The following GBP4 variants were observed in gnomAD, a reference collection of about 807,000 sequenced individuals.
GBP4 encodes the protein guanylate binding protein 4, also known as guanylate-binding protein 4.
GBP4 carries 69 observed loss-of-function variants against 62.2 expected under a neutral mutation model. The ratio of observed to expected loss-of-function variants is 1.11; its 90% CI spans 0.91 to 1.36. The LOEUF is 1.36. Among genes scored for constraint, GBP4 ranks in the 40% most tolerant of loss-of-function variants. The probability of loss-of-function intolerance (pLI) is 0.00; values close to 1 mark genes in which losing one functional copy is unlikely to be tolerated. For synonymous variants in GBP4, 278 were observed against 274.6 expected (o/e 1.01, Z -0.12); for missense variants, 697 against 759.3 (o/e 0.92, Z 0.96).
intron 3 of GBP4, among the ~76,000 whole-genome samples, chr1:89,194,783 C>T (rs748688867): frequency 2.6e-5 from 4 of 152,180 alleles, no homozygotes; most frequent in Non-Finnish European, 4.4e-5. Flanking sequence ...TTTCTGAAAA[C>T]TACTGAAATA....
At position 89,188,715 on chromosome 1, in the gene GBP4, T is replaced by C. The variant is rs1648105380; in HGVS notation, c.1277A>G (p.Lys426Arg). 1.2e-6 allele frequency: 2 copies of C among 1,614,236 alleles called. No homozygotes were observed. The highest frequency in any genetic ancestry group is 1.7e-6 in the Non-Finnish European group (2 of 1,180,038). Residue 426 changes from lysine (K) to arginine (R), a missense_variant, in exon 8 of 11, where the codon AAG (lysine) becomes AGG (arginine). Lys to Arg is a conservative substitution (Grantham distance 26, BLOSUM62 2). This residue lies in a region of GBP4 where 556 missense variants were observed against 562.7 expected (regional missense o/e 0.99). Transcript: ENST00000355754. ...TTCTGTCAGGTGCTCTGAAAGCCGCTTAAGCTCAGCCTGGCAATATTTGGC... is the reference window on the plus strand; with the variant it reads ...TTCTGTCAGGTGCTCTGAAAGCCGCCTAAGCTCAGCCTGGCAATATTTGGC... ...ASAKYCQAELKRLSEHLTESI... is the reference protein window; with the variant it reads ...ASAKYCQAELRRLSEHLTESI...
At chr1:89,192,777 C>G in intron 5 of GBP4, 127 bp downstream of exon 5, 1 of 792,236 alleles carries the variant, frequency 1.3e-6, no homozygotes, top group Non-Finnish European at 1.9e-6. Flanking sequence ...CAATCACCAA[C>G]CACCATGAGC....
intron 8 of GBP4, among the ~76,000 whole-genome samples, chr1:89,188,111 A>C (rs905259197): frequency 6.6e-6 from 1 of 152,184 alleles, no homozygotes; most frequent in Non-Finnish European, 1.5e-5. Context: ...CCGAGAATCA[A>C]ACTGATAATC....
Position 89,198,777 on chromosome 1 carries a change from G to T in GBP4, c.40+18C>A. 2 of 1,607,596 alleles carry T rather than the reference G, an allele frequency of 1.2e-6. No individual in the cohort carries two copies. Among genetic ancestry groups the T allele is most frequent in the Non-Finnish European group, 8.5e-7 (1 of 1,174,058 alleles). On this transcript the variant is annotated intron_variant, in intron 1 of 10. Transcript: ENST00000355754. ...AACCCAAATATACTTGAAAGGTAAAGCTTAAGAGCAAACTTACCTGGTGTG... is the reference window on the plus strand; with the variant it reads ...AACCCAAATATACTTGAAAGGTAAATCTTAAGAGCAAACTTACCTGGTGTG...
chr1:89,185,173 T>C lies in GBP4; in HGVS notation c.*81A>G, dbSNP rs1434964194. 5 of 872,662 alleles carry C rather than the reference T, an allele frequency of 5.7e-6. No homozygotes were observed. Among genetic ancestry groups the C allele is most frequent in the Non-Finnish European group, 9.2e-6 (5 of 545,966 alleles). 54.1% of individuals were successfully genotyped at this position (872,662 alleles called of 1,614,324 possible). A position where few individuals can be genotyped will look rare whatever the true frequency, so the allele number is the denominator to read the frequency against. The stretch of plus-strand genomic sequence containing the variant: ...AATGAAACTGCTATAACACATATAC[T>C]TACAAAATGAGCAACAGTGTTATGT... On this transcript the variant is annotated 3_prime_UTR_variant, in exon 11 of 11. Coordinates refer to ENST00000355754, the MANE Select transcript of GBP4 (RefSeq NM_052941.5).
intron 1 of GBP4, 33 bp downstream of exon 1, chr1:89,198,762 T>C: frequency 6.3e-7 from 1 of 1,590,006 alleles, no homozygotes. Context: ...AACCCAAATA[T>C]ACTTGAAAGG....
At chr1:89,186,149 A>T (rs1404372260) in intron 10 of GBP4, among the ~76,000 whole-genome samples, 184 bp downstream of exon 10, 1 of 152,222 alleles carries the variant, frequency 6.6e-6, no homozygotes, top group African/African-American at 2.4e-5. Flanking sequence ...AACAAGAAGA[A>T]GATGGTGGAT....
intron 5 of GBP4, among the ~76,000 whole-genome samples, chr1:89,192,099 T>C (rs993391061): frequency 5.3e-5 from 8 of 152,220 alleles, no homozygotes; most frequent in African/African-American, 1.2e-4. Flanking sequence ...CCTCACCACC[T>C]TTCAATGTCA....
intron 3 of GBP4, among the ~76,000 whole-genome samples, chr1:89,194,758 G>C (rs781750792): frequency 2.0e-5 from 3 of 152,180 alleles, no homozygotes; most frequent in Non-Finnish European, 2.9e-5. Flanking sequence ...AAATGTTAGT[G>C]ATAAAATTAA....
chr1:89,187,353 A>C (rs985365049), intron 8 of GBP4, among the ~76,000 whole-genome samples: 6 of 151,966 alleles, frequency 3.9e-5, no homozygotes, highest in Non-Finnish European at 4.4e-5. Flanking sequence ...TCTCCCAGGG[A>C]TGCTGCTCAC....
intron 1 of GBP4, among the ~76,000 whole-genome samples, chr1:89,198,307 T>A (rs552829042): frequency 4.5e-4 from 69 of 151,876 alleles, no homozygotes; most frequent in Non-Finnish European, 4.3e-4. Context: ...ACAAGTTAAG[T>A]CCCTGAGGAA....
Position 89,188,626 on chromosome 1 carries a change from G to C in GBP4, c.1366C>G (p.Gln456Glu). Residue 456 changes from glutamine (Q) to glutamate (E), a missense_variant, in exon 8 of 11, where the codon CAG becomes GAG. Physicochemically the swap from Gln to Glu is conservative, Grantham distance 29 (BLOSUM62 2). Transcript: ENST00000355754. Reference sequence around the variant, plus strand: ...ACTAGCTTATAGTCCCACTCAACCTGTTTCTTTTCTTCTAAGTAGAGATTG... The same window carrying C: ...ACTAGCTTATAGTCCCACTCAACCTCTTTCTTTTCTTCTAAGTAGAGATTG... Reference protein sequence around the residue: ...GHNLYLEEKKQVEWDYKLVPR... With the variant: ...GHNLYLEEKKEVEWDYKLVPR... The C allele has an allele frequency of 6.2e-7, 1 of 1,614,136 alleles. No homozygotes were observed. The highest frequency in any genetic ancestry group is 8.5e-7 in the Non-Finnish European group (1 of 1,179,998).
rs532278412 is a variant in GBP4, at chr1:89,191,009, C to G, written c.916+252G>C. Among the ~76,000 whole-genome samples the G allele has an allele frequency of 4.6e-5, 7 of 152,194 alleles. No individual in the cohort carries two copies. In the South Asian group the frequency reaches 1.5e-3, roughly 32 times the overall value. The stretch of plus-strand genomic sequence containing the variant: ...TCCTATAGGACTTTTCCTCATCATG[C>G]AGATTTCTCTCCTTAGGAGTTTGTG... On this transcript the variant is annotated intron_variant, in intron 6 of 10. Transcript: ENST00000355754.
In GBP4 at chr1:89,182,367, G is replaced by A. The variant is rs1385427616; in HGVS notation, c.*2887C>T. The stretch of plus-strand genomic sequence containing the variant: ...TGAGCAAACAGGCGGTACATGACAG[G>A]GGCTGCATGCACTGGTGGTCAGAGA... On this transcript the variant is annotated 3_prime_UTR_variant, in exon 11 of 11. Transcript: ENST00000355754. 2 of 152,222 alleles carry A rather than the reference G, an allele frequency of 1.3e-5. No individual in the cohort carries two copies. Among genetic ancestry groups the A allele is most frequent in the Non-Finnish European group, 2.9e-5 (2 of 68,072 alleles). The allele number at this position is 152,222 out of a possible 1,614,324, so 9.4% of individuals were successfully genotyped here.
intron 2 of GBP4, 78 bp downstream of exon 2, chr1:89,197,032 A>T (rs868264108): frequency 8.7e-7 from 1 of 1,150,548 alleles, no homozygotes; most frequent in Middle Eastern, 2.3e-4. Flanking sequence ...CTTCTTTAGG[A>T]TGACCCTAGA....
At position 89,197,038 on chromosome 1, in the gene GBP4, C is replaced by G. The variant is rs531351189; in HGVS notation, c.235+72G>C. On this transcript the variant is annotated intron_variant, in intron 2 of 10. Coordinates refer to ENST00000355754, the MANE Select transcript of GBP4 (RefSeq NM_052941.5). ...AGTCATGCCCTTCTTTAGGATGACC[C>G]TAGAGGGGGTGTGATCAGCTGTGTT... 205 of 1,330,034 alleles carry G rather than the reference C, an allele frequency of 1.5e-4. No individual in the cohort carries two copies. The African/African-American group carries it at 2.7e-3, about 17-fold the overall frequency. 82.4% of individuals were successfully genotyped at this position (1,330,034 alleles called of 1,614,324 possible). A position where few individuals can be genotyped will look rare whatever the true frequency, so the allele number is the denominator to read the frequency against.
intron 7 of GBP4, among the ~76,000 whole-genome samples, chr1:89,189,256 T>A (rs1306580621): frequency 2.0e-5 from 3 of 152,244 alleles, no homozygotes; most frequent in Non-Finnish European, 4.4e-5. Context: ...AGTTTGGATA[T>A]GTGAGGATAC....
chr1:89,187,958 C>T (rs1293759223), intron 8 of GBP4, among the ~76,000 whole-genome samples: 3 of 152,206 alleles, frequency 2.0e-5, no homozygotes, highest in Admixed American at 6.5e-5. Context: ...TTCTGAGTTT[C>T]CAATGGCTGT....
At chr1:89,186,550 G>T in intron 9 of GBP4, 24 bp from the exon 10 acceptor site, 1 of 1,606,330 alleles carries the variant, frequency 6.2e-7, no homozygotes. Flanking sequence ...GTTTTAGAGA[G>T]GGAAGAAAAT....
Sources: allele counts gnomAD v4.1 joint callset (sites outside exome capture counted in the v4.1 genomes callset), GRCh38; gene constraint gnomAD v4.1.1; regional missense constraint gnomAD v4.1.1; transcripts MANE v1.5; gene names NCBI Gene and HGNC (gene_info 2026-07-23, HGNC 2026-07-21).